IGFL2: variants seen among roughly 807,000 people sequenced by gnomAD.
IGFL2 encodes insulin growth factor-like family member 2.
IGFL2 carries 7 observed loss-of-function variants against 13.9 expected under a neutral mutation model. The observed-to-expected ratio is 0.51, with a 90% CI of 0.29 to 0.95. The LOEUF (loss-of-function observed/expected upper bound fraction) is 0.95. IGFL2 is among the 40% of genes least tolerant of loss of function. The pLI is 0.08. For synonymous variants in IGFL2, 55 were observed against 55.8 expected (o/e 0.99, Z 0.07); for missense variants, 138 against 147.8 (o/e 0.93, Z 0.34).
the IGFL2 span, among the ~76,000 whole-genome samples, chr19:46,185,283 C>G: frequency 6.6e-6 from 1 of 152,180 alleles, no homozygotes; most frequent in Non-Finnish European, 1.5e-5. Flanking sequence ...GCAGCTGCTC[C>G]TCTCTCTGCC....
chr19:46,115,908 A>G, the IGFL2 span, among the ~76,000 whole-genome samples: 1 of 151,978 alleles, frequency 6.6e-6, no homozygotes. Flanking sequence ...TGCCCATCTC[A>G]GGTATACTCC....
chr19:46,168,904 GTGTGTGTGTGTA>G, the IGFL2 span, among the ~76,000 whole-genome samples: 7 of 136,146 alleles, frequency 5.1e-5, no homozygotes, highest in African/African-American at 1.3e-4. Flanking sequence ...GATTGAGTGT[GTGTGTGTGTGTA>G]TGTGTGTGTG....
the IGFL2 span, among the ~76,000 whole-genome samples, chr19:46,088,455 C>T: frequency 6.6e-5 from 10 of 152,208 alleles, no homozygotes; most frequent in Non-Finnish European, 2.9e-5. Flanking sequence ...ATTTAAGACA[C>T]AACCTTCAAT....
chr19:46,099,933 C>T, the IGFL2 span, among the ~76,000 whole-genome samples: 15 of 152,034 alleles, frequency 9.9e-5, no homozygotes, highest in East Asian at 1.2e-3. Flanking sequence ...TACCTGTGTT[C>T]GCATCACGAA....
upstream of IGFL2, among the ~76,000 whole-genome samples, chr19:46,146,161 T>G (rs1973127352): frequency 6.6e-6 from 1 of 152,184 alleles, no homozygotes; most frequent in Non-Finnish European, 1.5e-5. Context: ...CTTCTTTTTT[T>G]TTTTCATATG....
At chr19:46,213,010 GGTGA>G in the IGFL2 span, 1 of 152,426 alleles carries the variant, frequency 6.6e-6, no homozygotes, top group East Asian at 1.9e-4. Flanking sequence ...ATGAGCTGCA[GGTGA>G]GTGAGCAGTT....
At chr19:46,200,473 C>CCTTTTCTTTT in the IGFL2 span, among the ~76,000 whole-genome samples, 28,621 of 134,032 alleles carry the variant, frequency 0.21, 3,509 homozygotes, top group Non-Finnish European at 0.25. Flanking sequence ...CACACCTGGC[C>CCTTTTCTTTT]CTTTTCTTTT....
upstream of IGFL2, among the ~76,000 whole-genome samples, chr19:46,145,478 C>G (rs1162346088): frequency 1.3e-5 from 2 of 152,054 alleles, no homozygotes; most frequent in African/African-American, 4.8e-5. Context: ...GAGTGACCCA[C>G]TCACCAGATT....
At chr19:46,114,266 C>T in the IGFL2 span, among the ~76,000 whole-genome samples, 1 of 152,122 alleles carries the variant, frequency 6.6e-6, no homozygotes, top group African/African-American at 2.4e-5. Context: ...GTTAGCTATC[C>T]TCAGCTTCCC....
the IGFL2 span, among the ~76,000 whole-genome samples, chr19:46,087,769 T>C: frequency 1.7e-4 from 26 of 152,208 alleles, no homozygotes; most frequent in African/African-American, 6.3e-4. Flanking sequence ...AAAGGGTTGC[T>C]GTCATCAGTT....
the IGFL2 span, chr19:46,209,056 C>T: frequency 6.6e-6 from 1 of 152,098 alleles, no homozygotes; most frequent in Admixed American, 6.5e-5. Flanking sequence ...GCCTTGCTCA[C>T]CCTGGGTCAT....
At chr19:46,160,988 C>T (rs1427467151) in intron 3 of IGFL2, 82 bp from the exon 4 acceptor site, 1 of 1,540,534 alleles carries the variant, frequency 6.5e-7, no homozygotes, top group East Asian at 2.3e-5. Flanking sequence ...GCCCTGTAGT[C>T]TAATCTCTAG....
At chr19:46,189,469 C>G in the IGFL2 span, among the ~76,000 whole-genome samples, 1 of 152,104 alleles carries the variant, frequency 6.6e-6, no homozygotes, top group Admixed American at 6.6e-5. Context: ...GGAGCAGAGT[C>G]TTCTCTAACT....
chr19:46,188,023 A>T, the IGFL2 span, among the ~76,000 whole-genome samples: 1 of 152,346 alleles, frequency 6.6e-6, no homozygotes, highest in East Asian at 1.9e-4. Context: ...AATTTGAAAA[A>T]TCGGACCTTG....
the IGFL2 span, among the ~76,000 whole-genome samples, chr19:46,103,738 G>T: frequency 1.3e-5 from 2 of 152,168 alleles, no homozygotes. Flanking sequence ...GTAAAGCTTT[G>T]TTGGGAAGAG....
At chr19:46,175,738 A>G in the IGFL2 span, among the ~76,000 whole-genome samples, 1 of 151,064 alleles carries the variant, frequency 6.6e-6, no homozygotes, top group South Asian at 2.1e-4. Flanking sequence ...ACGGGGTTTC[A>G]CCATTTTGGC....
the IGFL2 span, among the ~76,000 whole-genome samples, chr19:46,211,944 T>C: frequency 6.6e-6 from 1 of 152,170 alleles, no homozygotes; most frequent in African/African-American, 2.4e-5. Context: ...GATCGAATGA[T>C]AGAATGATAT....
chr19:46,117,586 C>G, the IGFL2 span, among the ~76,000 whole-genome samples: 1 of 152,252 alleles, frequency 6.6e-6, no homozygotes, highest in East Asian at 1.9e-4. Flanking sequence ...CCAAGGGATC[C>G]TCCCACGTCA....
the IGFL2 span, chr19:46,124,778 T>A: frequency 1.3e-6 from 1 of 782,016 alleles, no homozygotes; most frequent in Non-Finnish European, 2.3e-6. Context: ...TCATGCCACC[T>A]GCAGTCTCCC....
Sources: allele counts gnomAD v4.1 joint callset (sites outside exome capture counted in the v4.1 genomes callset), GRCh38; gene constraint gnomAD v4.1.1; transcripts MANE v1.5; gene names NCBI Gene and HGNC (gene_info 2026-07-23, HGNC 2026-07-21).